COL3A1: variants seen among roughly 807,000 people sequenced by gnomAD.
COL3A1 encodes collagen alpha-1(III) chain.
Under a neutral mutation model 200.9 loss-of-function variants are expected in COL3A1, and 46 were observed. The ratio of observed to expected loss-of-function variants is 0.23; its 90% CI spans 0.18 to 0.29. The LOEUF is 0.29. Among genes scored for constraint, COL3A1 ranks in the 10% least tolerant of loss-of-function variants. The pLI is 1.00. For synonymous variants in COL3A1, 650 were observed against 628.0 expected (o/e 1.03, Z -0.52); for missense variants, 1,367 against 1,917.6 (o/e 0.71, Z 5.36).
chr2:189,010,906 C>G lies in COL3A1; in HGVS notation c.4254+16C>G. On this transcript the variant is annotated intron_variant, in intron 50 of 50. Transcript: ENST00000304636. ...TGGTTGCACGGTAGGAAACATTTTTCTCAATATAGGTCATAAAGCAGTCAG... is the reference window on the plus strand; with the variant it reads ...TGGTTGCACGGTAGGAAACATTTTTGTCAATATAGGTCATAAAGCAGTCAG... The G allele has an allele frequency of 6.2e-7, 1 of 1,613,934 alleles. No individual in the cohort carries two copies. Among genetic ancestry groups the G allele is most frequent in the Non-Finnish European group, 8.5e-7 (1 of 1,179,878 alleles).
At position 188,994,966 on chromosome 2, in the gene COL3A1, T is replaced by C. The variant is rs568988327; in HGVS notation, c.1456-80T>C. The C allele has an allele frequency of 5.8e-6, 9 of 1,562,482 alleles. No individual in the cohort carries two copies. The Admixed American group carries it at 1.0e-4, about 17-fold the overall frequency. ...ATATTGTTTAAAGCATTCTATGACA[T>C]AAAAATATTTGCCACTCAAGAATTA... On this transcript the variant is annotated intron_variant, in intron 20 of 50. Transcript: ENST00000304636. This position sits in a 1 kb window ranked among gnomAD's most constrained non-coding sequence, Gnocchi z 4.5.
In COL3A1 at chr2:188,974,551, T is replaced by C. The variant is rs1296337954; in HGVS notation, c.62T>C (p.Ile21Thr). Residue 21 changes from isoleucine (I) to threonine (T), a missense_variant, in exon 1 of 51, where the codon ATT becomes ACT. This residue lies in a region of COL3A1 where 55 missense variants were observed against 51.5 expected (regional missense o/e 1.07). Coordinates refer to ENST00000304636, the MANE Select transcript of COL3A1 (RefSeq NM_000090.4). ...LLLALLHPTI[I>T]LAQQEAVEGG... ...CTCGCTCTGCTTCATCCCACTATTATTTTGGCACAACAGGAAGGTGAGTAG... is the reference window on the plus strand; with the variant it reads ...CTCGCTCTGCTTCATCCCACTATTACTTTGGCACAACAGGAAGGTGAGTAG... The C allele has an allele frequency of 1.2e-6, 2 of 1,613,988 alleles. No individual in the cohort carries two copies. The highest frequency in any genetic ancestry group is 8.5e-7 in the Non-Finnish European group (1 of 1,179,872).
In COL3A1 at chr2:188,987,159, A is replaced by G; in HGVS notation, c.528+20A>G. 1 of 1,577,758 alleles carries G rather than the reference A, an allele frequency of 6.3e-7. No homozygotes were observed. The highest frequency in any genetic ancestry group is 8.7e-7 in the Non-Finnish European group (1 of 1,147,374). On this transcript the variant is annotated intron_variant, in intron 5 of 50. Transcript: ENST00000304636. ...CCAGCTGTACGTACAAATGTTTCTC[A>G]GCATTTTGGAGCTTTATTATCTTTC...
At chr2:189,004,836 T>A (rs918308473) in intron 40 of COL3A1, among the ~76,000 whole-genome samples, 1 of 152,238 alleles carries the variant, frequency 6.6e-6, no homozygotes, top group Admixed American at 6.5e-5. Context: ...GTAAACAGGA[T>A]AATAAAATTG....
At chr2:188,980,417 ATTAATCTT>A (rs1687928130) in intron 1 of COL3A1, among the ~76,000 whole-genome samples, 1 of 61,490 alleles carries the variant, frequency 1.6e-5, no homozygotes, top group Non-Finnish European at 3.1e-5. Context: ...ATTCTAAAAG[ATTAATCTT>A]TTAGACAATT....
chr2:189,011,821 G>T lies in COL3A1; in HGVS notation c.*47G>T. 1 of 1,604,014 alleles carries T rather than the reference G, an allele frequency of 6.2e-7. No homozygotes were observed. ...CAACAAAAAAAATTTAACTCCATATGTGTTCCTCTTGTTCTAATCTTGTCA... is the reference window on the plus strand; with the variant it reads ...CAACAAAAAAAATTTAACTCCATATTTGTTCCTCTTGTTCTAATCTTGTCA... On this transcript the variant is annotated 3_prime_UTR_variant, in exon 51 of 51. Transcript: ENST00000304636.
chr2:189,005,365 C>T lies in COL3A1; in HGVS notation c.2947C>T (p.Pro983Ser), dbSNP rs1266500793. The change falls in exon 41 of 51, where the codon CCA (proline) becomes TCA (serine). Residue 983 changes from proline (P) to serine (S), a missense_variant. Physicochemically the swap from Pro to Ser is moderately conservative, Grantham distance 74. This residue lies in a region of COL3A1 where 846 missense variants were observed against 1,147.9 expected (regional missense o/e 0.74). Transcript: ENST00000304636. ...PQGVKGESGK[P>S]GANGLSGERG... ...TTGTATACAGGGTGAAAGTGGGAAA[C>T]CAGGAGCTAACGGTCTCAGTGGAGA... 3.7e-6 allele frequency: 6 copies of T among 1,613,882 alleles called. No individual in the cohort carries two copies. Among genetic ancestry groups the T allele is most frequent in the Admixed American group, 1.7e-5 (1 of 59,990 alleles).
rs544061974 is a variant in COL3A1 at position 189,012,360 on chromosome 2, A to G, written c.*586A>G. ...TTTTTAAAGCCACAATTATTTTAAT[A>G]TTGGATATCAACTGCTTGTAAAGGT... is the stretch of plus-strand genomic sequence containing the variant. On this transcript the variant is annotated 3_prime_UTR_variant, in exon 51 of 51. Coordinates refer to ENST00000304636, the MANE Select transcript of COL3A1 (RefSeq NM_000090.4). The G allele has an allele frequency of 8.5e-5, 13 of 153,090 alleles. No homozygotes were observed. Among genetic ancestry groups the G allele is most frequent in the African/African-American group, 3.1e-4 (13 of 41,586 alleles). 9.5% of individuals were successfully genotyped at this position (153,090 alleles called of 1,614,324 possible). A position where few individuals can be genotyped will look rare whatever the true frequency, so the allele number is the denominator to read the frequency against.
rs1688402573 is a variant in COL3A1 at position 188,999,385 on chromosome 2, TA to T, written c.2121+4del. The T allele has an allele frequency of 6.2e-7, 1 of 1,612,534 alleles. No homozygotes were observed. The highest frequency in any genetic ancestry group is 8.5e-7 in the Non-Finnish European group (1 of 1,179,228). On this transcript the variant is annotated splice_donor_region_variant and intron_variant, in intron 30 of 50. Transcript: ENST00000304636. ...CCCCCTGGTCCCGAAGGAGGAAAGG[TA>T]ACTCCACAGCATTCCATTCACCTAG...
intron 1 of COL3A1, among the ~76,000 whole-genome samples, chr2:188,978,326 A>C (rs539193529): frequency 6.6e-6 from 1 of 152,170 alleles, no homozygotes; most frequent in Admixed American, 6.6e-5. Flanking sequence ...CTTTTTAAAA[A>C]TCAAGAATGA....
intron 31 of COL3A1, 103 bp downstream of exon 31, chr2:188,999,680 G>A (rs879709833): frequency 4.9e-6 from 7 of 1,418,896 alleles, no homozygotes; most frequent in African/African-American, 2.8e-5. Flanking sequence ...CAAAATTAAT[G>A]TTATCATTTT....
chr2:189,005,155 G>T (rs1271630415), intron 40 of COL3A1, among the ~76,000 whole-genome samples, 195 bp from the exon 41 acceptor site: 1 of 152,282 alleles, frequency 6.6e-6, no homozygotes, highest in Non-Finnish European at 1.5e-5. Context: ...GCCATCCAGA[G>T]TCACTGAGCA....
Position 189,007,598 on chromosome 2 carries a change from A to G in COL3A1, c.3354A>G (p.Pro1118=). The change falls in exon 45 of 51, where the codon CCA becomes CCG. Residue 1118 remains proline (P), a synonymous_variant. Transcript: ENST00000304636. ...HRGFPGNPGA[P]GSPGPAGQQG... is the part of the protein sequence containing the mutation. Reference sequence around the variant, plus strand: ...GATTCCCTGGTAATCCAGGTGCCCCAGGTTCTCCAGTAAGTGCATTCATTT... The same window carrying G: ...GATTCCCTGGTAATCCAGGTGCCCCGGGTTCTCCAGTAAGTGCATTCATTT... 1.2e-6 allele frequency: 2 copies of G among 1,611,700 alleles called. No individual in the cohort carries two copies. Among genetic ancestry groups the G allele is most frequent in the Non-Finnish European group, 8.5e-7 (1 of 1,178,650 alleles).
rs547616155 is a variant in COL3A1, at chr2:189,012,371, A to G, written c.*597A>G. On this transcript the variant is annotated 3_prime_UTR_variant, in exon 51 of 51. Transcript: ENST00000304636. ...ACAATTATTTTAATATTGGATATCA[A>G]CTGCTTGTAAAGGTGCTCCTCTTTT... 1 of 153,018 alleles carries G rather than the reference A, an allele frequency of 6.5e-6. No homozygotes were observed. The highest frequency in any genetic ancestry group is 2.1e-4 in the South Asian group (1 of 4,860). The allele number at this position is 153,018 out of a possible 1,614,324, so 9.5% of individuals were successfully genotyped here. A position where few individuals can be genotyped will look rare whatever the true frequency, so the allele number is the denominator to read the frequency against.
At position 188,988,267 on chromosome 2, in the gene COL3A1, T is replaced by C. The variant is rs41272801; in HGVS notation, c.582+133T>C. ...AGAGAAATCATAACCAAGAAACTGA[T>C]TAAGGCTTCAAAGATGGAATTCCAT... is the stretch of plus-strand genomic sequence containing the variant. On this transcript the variant is annotated intron_variant, in intron 6 of 50. Transcript: ENST00000304636. 31 of 809,682 alleles carry C rather than the reference T, an allele frequency of 3.8e-5. No homozygotes were observed. The African/African-American group carries it at 5.0e-4, about 13-fold the overall frequency. The allele number at this position is 809,682 out of a possible 1,614,324, so 50.2% of individuals were successfully genotyped here. A position where few individuals can be genotyped will look rare whatever the true frequency, so the allele number is the denominator to read the frequency against.
At chr2:188,995,241 C>G in intron 21 of COL3A1, 142 bp downstream of exon 21, 1 of 789,028 alleles carries the variant, frequency 1.3e-6, no homozygotes. Context: ...AATGCATCCT[C>G]TGTTCAACAA....
Position 188,974,407 on chromosome 2 carries a change from C to T in COL3A1, c.-83C>T. On this transcript the variant is annotated 5_prime_UTR_variant, in exon 1 of 51. Coordinates refer to ENST00000304636, the MANE Select transcript of COL3A1 (RefSeq NM_000090.4). ...TTATGACGGGCCCGGTGCTGAAGGG[C>T]AGGGAACAACTTGATGGTGCTACTT... 2 of 1,011,930 alleles carry T rather than the reference C, an allele frequency of 2.0e-6. No individual in the cohort carries two copies. The highest frequency in any genetic ancestry group is 4.9e-5 in the East Asian group (2 of 40,920). The allele number at this position is 1,011,930 out of a possible 1,614,324, so 62.7% of individuals were successfully genotyped here.
In COL3A1 at chr2:188,994,140, A is replaced by G; in HGVS notation, c.1194+58A>G. 2.5e-6 allele frequency: 4 copies of G among 1,611,732 alleles called. No individual in the cohort carries two copies. In the South Asian group the frequency reaches 3.3e-5, roughly 13 times the overall value. On this transcript the variant is annotated intron_variant, in intron 17 of 50. Transcript: ENST00000304636. The surrounding 1 kb of genome is among the most constrained non-coding windows in gnomAD (Gnocchi z 4.5). ...TCCACACATTACTGGCTTCTTTTGC[A>G]TTTTGCATGACAATAGATTTGTGAT...
At chr2:188,983,400 A>G (rs1467738576) in intron 1 of COL3A1, among the ~76,000 whole-genome samples, 3 of 151,984 alleles carry the variant, frequency 2.0e-5, no homozygotes, top group African/African-American at 7.2e-5. Context: ...TGGGGAAGCA[A>G]TTGCAGTACT....
Sources: gnomAD v4.1 joint callset for allele counts (sites outside exome capture counted in the v4.1 genomes callset) on GRCh38, gnomAD v4.1.1 for gene constraint, gnomAD v4.1.1 regional missense constraint, Gnocchi (gnomAD v3.1) non-coding constraint, MANE v1.5 for transcripts, NCBI Gene and HGNC (gene_info 2026-07-23, HGNC 2026-07-21) for gene names.